SLC2A13: variants seen among roughly 807,000 people sequenced by gnomAD.
The protein encoded by SLC2A13 is proton myo-inositol cotransporter.
SLC2A13 carries 32 observed loss-of-function variants against 64.4 expected under a neutral mutation model. That is an observed-to-expected ratio of 0.50 (90% confidence interval 0.37 to 0.67). The LOEUF is 0.67. Among genes scored for constraint, SLC2A13 ranks in the 30% least tolerant of loss-of-function variants. The probability of loss-of-function intolerance (pLI) is 0.00; values close to 1 mark genes in which losing one functional copy is unlikely to be tolerated. For synonymous variants in SLC2A13, 338 were observed against 327.1 expected, an observed-to-expected ratio of 1.03 and a Z score of -0.36; for missense variants, 743 against 829.2, an observed-to-expected ratio of 0.90 and a Z score of 1.28.
At chr12:39,865,409 AT>A (rs1434392984) in intron 5 of SLC2A13, among the ~76,000 whole-genome samples, 1 of 152,158 alleles carries the variant, frequency 6.6e-6, no homozygotes, top group Non-Finnish European at 1.5e-5. Context: ...ATGGAGTAGC[AT>A]TTTTTGAAGA....
intron 7 of SLC2A13, among the ~76,000 whole-genome samples, chr12:39,778,462 G>T (rs1940856503): frequency 6.6e-6 from 1 of 150,408 alleles, no homozygotes; most frequent in Admixed American, 6.6e-5. Context: ...GACGAAGTTA[G>T]TTATTTCTTT....
intron 3 of SLC2A13, among the ~76,000 whole-genome samples, chr12:39,974,052 A>G (rs1946719551): frequency 6.6e-6 from 1 of 152,206 alleles, no homozygotes; most frequent in Admixed American, 6.5e-5. Flanking sequence ...TACCAACCCT[A>G]CCAGCAGCAG....
At chr12:39,979,049 C>T (rs1337396393) in intron 3 of SLC2A13, among the ~76,000 whole-genome samples, 2 of 151,752 alleles carry the variant, frequency 1.3e-5, no homozygotes, top group African/African-American at 2.4e-5. Flanking sequence ...GGAGGCACCC[C>T]CCAGCAGCGG....
chr12:39,803,428 T>G (rs909714048), intron 7 of SLC2A13, among the ~76,000 whole-genome samples: 1 of 151,822 alleles, frequency 6.6e-6, no homozygotes, highest in Non-Finnish European at 1.5e-5. Context: ...AAACTATCAC[T>G]TAGGAGCAAA....
chr12:39,949,014 A>G (rs1946185610), intron 4 of SLC2A13, among the ~76,000 whole-genome samples: 1 of 152,186 alleles, frequency 6.6e-6, no homozygotes, highest in Admixed American at 6.5e-5. Context: ...ACACACACAA[A>G]TAAAGACTAG....
At chr12:39,793,411 G>A (rs1194871587) in intron 7 of SLC2A13, among the ~76,000 whole-genome samples, 1 of 152,086 alleles carries the variant, frequency 6.6e-6, no homozygotes, top group African/African-American at 2.4e-5. Flanking sequence ...TTGATCTATA[G>A]AGTCAATGTA....
chr12:40,031,234 A>AT (rs1947898322), intron 2 of SLC2A13, among the ~76,000 whole-genome samples: 2 of 151,490 alleles, frequency 1.3e-5, no homozygotes, highest in Non-Finnish European at 2.9e-5. Flanking sequence ...TTATTTATTT[A>AT]TTTTTTTAGA....
intron 7 of SLC2A13, among the ~76,000 whole-genome samples, chr12:39,797,059 T>C (rs755237545): frequency 3.3e-5 from 5 of 152,246 alleles, no homozygotes; most frequent in Admixed American, 6.5e-5. Context: ...AAAGTACTAT[T>C]TGATAACTTG....
chr12:40,069,375 A>G (rs1937866608), intron 1 of SLC2A13, among the ~76,000 whole-genome samples: 2 of 152,096 alleles, frequency 1.3e-5, no homozygotes, highest in Non-Finnish European at 2.9e-5. Flanking sequence ...TTAGTAACAA[A>G]TTTATCTCTC....
chr12:39,920,850 G>A (rs66484722), intron 4 of SLC2A13, among the ~76,000 whole-genome samples: 3,903 of 152,152 alleles, frequency 0.026, 185 homozygotes, highest in African/African-American at 0.087. Flanking sequence ...CAGAATGCCT[G>A]CTAAATGCCA....
At chr12:39,986,286 G>T (rs1480646114) in intron 3 of SLC2A13, among the ~76,000 whole-genome samples, 1 of 152,002 alleles carries the variant, frequency 6.6e-6, no homozygotes, top group Non-Finnish European at 1.5e-5. Context: ...CAAACATTTG[G>T]ACCATTGCAG....
intron 4 of SLC2A13, among the ~76,000 whole-genome samples, chr12:39,941,386 C>A (rs913894721): frequency 6.6e-6 from 1 of 152,272 alleles, no homozygotes; most frequent in African/African-American, 2.4e-5. Context: ...TACATTCCCA[C>A]CAGCAGTGTA....
In SLC2A13 at chr12:39,815,234, T is replaced by C. The variant is rs140339754; in HGVS notation, c.1445+14869A>G. ...TCTGAAAGAAACTTCCTGAATCCCA[T>C]ATGCCCAAATATGAATCAAAAATAG... On this transcript the variant is annotated intron_variant, in intron 7 of 9. Coordinates refer to ENST00000280871, the MANE Select transcript of SLC2A13 (RefSeq NM_052885.4). Among the ~76,000 whole-genome samples the C allele has an allele frequency of 4.2e-4, 64 of 152,314 alleles. No individual in the cohort carries two copies. The East Asian group carries it at 0.011, about 27-fold the overall frequency.
intron 7 of SLC2A13, among the ~76,000 whole-genome samples, chr12:39,818,738 T>C (rs755179756): frequency 2.0e-5 from 3 of 152,180 alleles, no homozygotes; most frequent in African/African-American, 7.2e-5. Flanking sequence ...AACAATTAAG[T>C]AGGCAGAATA....
intron 1 of SLC2A13, among the ~76,000 whole-genome samples, chr12:40,070,707 C>T (rs11175027): frequency 0.098 from 14,933 of 152,208 alleles, 888 homozygotes; most frequent in East Asian, 0.19. Context: ...AAATATCAAT[C>T]TTCTCAATCT....
chr12:39,910,728 A>C (rs778332025), intron 4 of SLC2A13, among the ~76,000 whole-genome samples: 4 of 152,050 alleles, frequency 2.6e-5, no homozygotes, highest in African/African-American at 7.3e-5. Context: ...GTATGACTAT[A>C]TGTGTGGTTT....
chr12:39,902,800 T>C (rs928325152), intron 4 of SLC2A13, among the ~76,000 whole-genome samples: 3 of 152,256 alleles, frequency 2.0e-5, no homozygotes, highest in Admixed American at 6.5e-5. Context: ...GTTTTAGTTA[T>C]CTACTATGAA....
intron 7 of SLC2A13, among the ~76,000 whole-genome samples, chr12:39,771,572 A>T (rs1365937794): frequency 1.3e-5 from 2 of 152,138 alleles, no homozygotes; most frequent in Non-Finnish European, 2.9e-5. Context: ...CTGTGCATTG[A>T]TTGTAGGCTT....
intron 4 of SLC2A13, among the ~76,000 whole-genome samples, chr12:39,878,015 T>C (rs1262720843): frequency 6.6e-6 from 1 of 152,160 alleles, no homozygotes; most frequent in Non-Finnish European, 1.5e-5. Flanking sequence ...TGCTCCTGCT[T>C]TTGCCATGTG....
Sources: allele counts gnomAD v4.1 joint callset (sites outside exome capture counted in the v4.1 genomes callset), GRCh38; gene constraint gnomAD v4.1.1; transcripts MANE v1.5; gene names NCBI Gene and HGNC (gene_info 2026-07-23, HGNC 2026-07-21).